Variants in SLC19A3 observed in about 807,000 individuals in gnomAD.
SLC19A3 encodes the protein solute carrier family 19 member 3, also known as thiamine transporter 2.
Under a neutral mutation model 40.2 loss-of-function variants are expected in SLC19A3, and 31 were observed. The observed-to-expected ratio is 0.77, with a 90% CI of 0.58 to 1.04. The LOEUF (loss-of-function observed/expected upper bound fraction) is 1.04. Among genes scored for constraint, SLC19A3 ranks in the 50% least tolerant of loss-of-function variants. The probability of loss-of-function intolerance (pLI) is 0.00; values close to 1 mark genes in which losing one functional copy is unlikely to be tolerated. For missense variants in SLC19A3, 592 were observed against 596.7 expected, an observed-to-expected ratio of 0.99 and a Z score of 0.08; for synonymous variants, 212 against 227.5, an observed-to-expected ratio of 0.93 and a Z score of 0.61.
chr2:227,707,330 A>ATAC (rs1695982375), intron 1 of SLC19A3, among the ~76,000 whole-genome samples: 1 of 152,182 alleles, frequency 6.6e-6, no homozygotes, highest in South Asian at 2.1e-4. Context: ...TATGCCTGTA[A>ATAC]TACTACCACT....
intron 2 of SLC19A3, among the ~76,000 whole-genome samples, chr2:227,700,480 G>C (rs944861699): frequency 6.6e-6 from 1 of 152,058 alleles, no homozygotes; most frequent in Non-Finnish European, 1.5e-5. Flanking sequence ...AGAGGTTGCA[G>C]AGAGCCGAGA....
chr2:227,711,116 A>T (rs911537434), intron 1 of SLC19A3, among the ~76,000 whole-genome samples: 3 of 152,198 alleles, frequency 2.0e-5, no homozygotes, highest in Non-Finnish European at 2.9e-5. Flanking sequence ...GTTCTGCTGC[A>T]GTCAGAATTA....
At chr2:227,704,966 C>T (rs552355285) in intron 1 of SLC19A3, among the ~76,000 whole-genome samples, 3 of 151,948 alleles carry the variant, frequency 2.0e-5, no homozygotes, top group African/African-American at 4.8e-5. Context: ...CTGCAACCTC[C>T]GCTTCCTGGG....
chr2:227,713,829 C>A (rs922407443), intron 1 of SLC19A3, among the ~76,000 whole-genome samples: 1 of 151,382 alleles, frequency 6.6e-6, no homozygotes, highest in African/African-American at 2.4e-5. Flanking sequence ...CACTGATACA[C>A]GGAAGAAAAT....
In SLC19A3 at chr2:227,686,562, T is replaced by C. The variant is rs2106316287; in HGVS notation, c.*835A>G. On this transcript the variant is annotated 3_prime_UTR_variant, in exon 6 of 6. Transcript: ENST00000644224. ...TTGAACCTCTGGCCTCAAGCAAAAC[T>C]CCCACCTTGGCCTCCCAAATTGCTC... 6.6e-6 allele frequency: 1 copy of C among 152,528 alleles called. No homozygotes were observed. The highest frequency in any genetic ancestry group is 2.4e-5 in the African/African-American group (1 of 41,534). The allele number at this position is 152,528 out of a possible 1,614,324, so 9.4% of individuals were successfully genotyped here.
At chr2:227,707,402 C>T (rs1006783450) in intron 1 of SLC19A3, among the ~76,000 whole-genome samples, 6 of 151,982 alleles carry the variant, frequency 3.9e-5, no homozygotes, top group African/African-American at 7.2e-5. Flanking sequence ...CTGAGCGACA[C>T]GGTGAAACCC....
chr2:227,693,441 C>T (rs1316051724), intron 4 of SLC19A3, among the ~76,000 whole-genome samples: 1 of 152,156 alleles, frequency 6.6e-6, no homozygotes, highest in Non-Finnish European at 1.5e-5. Flanking sequence ...CACACACCTA[C>T]AGTAAACTCA....
At chr2:227,717,109 T>G (rs1003589870) in intron 1 of SLC19A3, among the ~76,000 whole-genome samples, 1 of 149,938 alleles carries the variant, frequency 6.7e-6, no homozygotes, top group Non-Finnish European at 1.5e-5. Flanking sequence ...TTCAAGCCAT[T>G]CTTCAGCCTC....
At position 227,717,987 on chromosome 2, in the gene SLC19A3, C is replaced by G. The variant is rs1419134968; in HGVS notation, c.-47G>C. 4 of 985,310 alleles carry G rather than the reference C, an allele frequency of 4.1e-6. No individual in the cohort carries two copies. The highest frequency in any genetic ancestry group is 4.8e-6 in the Non-Finnish European group (4 of 829,962). The allele number at this position is 985,310 out of a possible 1,614,324, so 61.0% of individuals were successfully genotyped here. On this transcript the variant is annotated 5_prime_UTR_variant, in exon 1 of 6. Coordinates refer to ENST00000644224, the MANE Select transcript of SLC19A3 (RefSeq NM_025243.4). ...TTCACCAAATCGCTCACTTGCCGCA[C>G]GACCACGCACCCGCGGCTGTCGGAT...
intron 4 of SLC19A3, among the ~76,000 whole-genome samples, chr2:227,691,042 C>CA (rs1369219407): frequency 1.3e-5 from 2 of 152,008 alleles, no homozygotes; most frequent in Non-Finnish European, 2.9e-5. Flanking sequence ...AAAACATATT[C>CA]AAAAATTTGA....
chr2:227,717,905 T>G (rs1419683340), intron 1 of SLC19A3, 38 bp downstream of exon 1: 8 of 984,724 alleles, frequency 8.1e-6, no homozygotes, highest in Non-Finnish European at 9.6e-6. Flanking sequence ...GGGATGACGG[T>G]GCTTCTTCAA....
At position 227,687,512 on chromosome 2, in the gene SLC19A3, T is replaced by C; in HGVS notation, c.1376A>G (p.Tyr459Cys). 1 of 1,614,098 alleles carries C rather than the reference T, an allele frequency of 6.2e-7. No individual in the cohort carries two copies. Among genetic ancestry groups the C allele is most frequent in the Non-Finnish European group, 8.5e-7 (1 of 1,179,984 alleles). Residue 459 changes from tyrosine (Y) to cysteine (C), a missense_variant, in exon 6 of 6, where the codon TAT becomes TGT. Transcript: ENST00000644224. ...CTGGGATTTGGTTGAGTAGGTAATA[T>C]ACATGCTTCTCATTAGGAAAATTCC... is the stretch of plus-strand genomic sequence containing the variant. ...IAGIFLMRSM[Y>C]ITYSTKSQKD... is the part of the protein sequence containing the mutation.
At chr2:227,688,329 C>A (rs1559242586) in intron 4 of SLC19A3, 22 bp from the exon 5 acceptor site, 1 of 1,609,616 alleles carries the variant, frequency 6.2e-7, no homozygotes, top group Admixed American at 1.7e-5. Flanking sequence ...CATAAATAAG[C>A]ATTTTAACTA....
chr2:227,706,224 ATCC>A, intron 1 of SLC19A3: 1 of 799,874 alleles, frequency 1.3e-6, no homozygotes, highest in Admixed American at 4.3e-5. Flanking sequence ...CCGTCATATT[ATCC>A]GCCTCTAAAA....
intron 1 of SLC19A3, among the ~76,000 whole-genome samples, chr2:227,717,108 T>C (rs1232297941): frequency 6.8e-6 from 1 of 147,924 alleles, no homozygotes; most frequent in Non-Finnish European, 1.5e-5. Context: ...GTTCAAGCCA[T>C]TCTTCAGCCT....
At chr2:227,707,055 G>A (rs1417622215) in intron 1 of SLC19A3, among the ~76,000 whole-genome samples, 1 of 152,130 alleles carries the variant, frequency 6.6e-6, no homozygotes, top group Non-Finnish European at 1.5e-5. Context: ...AGTGACCCTG[G>A]GCGGGTCTCC....
intron 1 of SLC19A3, among the ~76,000 whole-genome samples, chr2:227,716,344 G>T (rs1161473481): frequency 6.6e-6 from 1 of 152,026 alleles, no homozygotes; most frequent in African/African-American, 2.4e-5. Context: ...GGCTACTACA[G>T]ACTCATCAGT....
intron 1 of SLC19A3, among the ~76,000 whole-genome samples, chr2:227,708,421 C>A (rs1696023597): frequency 6.6e-6 from 1 of 151,984 alleles, no homozygotes; most frequent in African/African-American, 2.4e-5. Context: ...CCACTTTTAA[C>A]CATCTCCTTA....
chr2:227,701,125 C>T (rs1295771351), intron 2 of SLC19A3: 2 of 1,273,136 alleles, frequency 1.6e-6, no homozygotes, highest in East Asian at 5.6e-5. Context: ...AACTCGGAAA[C>T]AGGGTTGTCC....
Sources: allele counts gnomAD v4.1 joint callset (sites outside exome capture counted in the v4.1 genomes callset), GRCh38; gene constraint gnomAD v4.1.1; transcripts MANE v1.5; gene names NCBI Gene and HGNC (gene_info 2026-07-23, HGNC 2026-07-21).